LNX1: variants seen among roughly 807,000 people sequenced by gnomAD.
The protein encoded by LNX1 is E3 ubiquitin-protein ligase LNX.
In LNX1, 54 loss-of-function variants were observed where a neutral mutation model predicts 68.4. The observed-to-expected ratio is 0.79, with a 90% CI of 0.63 to 0.99. The LOEUF is 0.99. Among genes scored for constraint, LNX1 ranks in the 50% least tolerant of loss-of-function variants. LNX1 has a pLI of 0.00. For missense variants in LNX1, 906 were observed against 926.4 expected, an observed-to-expected ratio of 0.98 and a Z score of 0.29; for synonymous variants, 336 against 350.0, an observed-to-expected ratio of 0.96 and a Z score of 0.45.
chr4:53,552,522 G>C (rs779765145), intron 2 of LNX1, among the ~76,000 whole-genome samples: 1 of 152,074 alleles, frequency 6.6e-6, no homozygotes, highest in Non-Finnish European at 1.5e-5. Flanking sequence ...TTTTTTCTTG[G>C]ATTTTTGTTA....
chr4:53,540,630 C>T (rs760908280), intron 2 of LNX1, among the ~76,000 whole-genome samples: 3 of 151,562 alleles, frequency 2.0e-5, no homozygotes, highest in South Asian at 2.1e-4. Context: ...TGCAGCGAGC[C>T]GAGATTGCGC....
intron 2 of LNX1, among the ~76,000 whole-genome samples, chr4:53,516,810 C>T (rs1579453021): frequency 6.6e-6 from 1 of 152,172 alleles, no homozygotes; most frequent in Non-Finnish European, 1.5e-5. Context: ...AAACCATGCC[C>T]GTGGGGGTAA....
At position 53,552,674 on chromosome 4, in the gene LNX1, C is replaced by A. The variant is rs548034872; in HGVS notation, c.380+20949G>T. 2.0e-5 allele frequency among the ~76,000 whole-genome samples: 3 copies of A among 151,916 alleles called. No individual in the cohort carries two copies. In the East Asian group the frequency reaches 5.8e-4, roughly 29 times the overall value. Reference sequence around the variant, plus strand: ...TGAAACCCCATCTCTACTAAAAATACAAAAATTAGCCAGACGTAGTGGCAG... The same window carrying A: ...TGAAACCCCATCTCTACTAAAAATAAAAAAATTAGCCAGACGTAGTGGCAG... On this transcript the variant is annotated intron_variant, in intron 2 of 10. Transcript: ENST00000263925.
At chr4:53,495,736 G>A (rs1474693417) in intron 6 of LNX1, among the ~76,000 whole-genome samples, 1 of 152,078 alleles carries the variant, frequency 6.6e-6, no homozygotes, top group Non-Finnish European at 1.5e-5. Context: ...TAGAGATGGG[G>A]TTTCACCCTG....
chr4:53,600,487 G>A (rs1005627361), intron 2 of LNX1, among the ~76,000 whole-genome samples: 2 of 152,024 alleles, frequency 1.3e-5, no homozygotes, highest in Admixed American at 6.6e-5. Context: ...ACAGATTATG[G>A]CCAAGGAGCT....
chr4:53,645,076 A>T (rs1236333727), intron 1 of LNX1, among the ~76,000 whole-genome samples: 1 of 152,166 alleles, frequency 6.6e-6, no homozygotes, highest in Non-Finnish European at 1.5e-5. Flanking sequence ...ACAGCCAGGC[A>T]GTGTCCACGC....
intron 2 of LNX1, among the ~76,000 whole-genome samples, chr4:53,536,779 C>T (rs1728405082): frequency 6.6e-6 from 1 of 152,176 alleles, no homozygotes; most frequent in South Asian, 2.1e-4. Flanking sequence ...GTTGGGTTCT[C>T]TTCCTCTTCT....
chr4:53,600,780 G>A (rs1315961697), intron 2 of LNX1, among the ~76,000 whole-genome samples: 3 of 150,804 alleles, frequency 2.0e-5, no homozygotes, highest in African/African-American at 7.3e-5. Context: ...GCCAAGGCTG[G>A]AGTGCAGTGG....
chr4:53,636,488 G>T (rs1223257744), intron 1 of LNX1, among the ~76,000 whole-genome samples: 1 of 152,048 alleles, frequency 6.6e-6, no homozygotes, highest in Non-Finnish European at 1.5e-5. Context: ...AGGCAGAAGG[G>T]CTTGAGTGAC....
At chr4:53,502,020 A>G (rs1482150430) in intron 4 of LNX1, 2 of 152,202 alleles carry the variant, frequency 1.3e-5, no homozygotes, top group Non-Finnish European at 2.9e-5. Flanking sequence ...CCTAAATAAT[A>G]ATCAGGACAC....
intron 2 of LNX1, among the ~76,000 whole-genome samples, chr4:53,571,292 T>C (rs1731149665): frequency 6.6e-6 from 1 of 152,056 alleles, no homozygotes; most frequent in Non-Finnish European, 1.5e-5. Context: ...GTGCTGGGAT[T>C]ACAGGTGTGA....
At chr4:53,534,370 G>T (rs1728221600) in intron 2 of LNX1, among the ~76,000 whole-genome samples, 1 of 151,386 alleles carries the variant, frequency 6.6e-6, no homozygotes, top group South Asian at 2.1e-4. Flanking sequence ...GGGGTGCAGT[G>T]GCTCACACCT....
At chr4:53,636,158 G>C (rs1734465565) in intron 1 of LNX1, among the ~76,000 whole-genome samples, 1 of 142,622 alleles carries the variant, frequency 7.0e-6, no homozygotes, top group South Asian at 2.4e-4. Context: ...AGGGATCTCA[G>C]AGACTGCACA....
intron 2 of LNX1, among the ~76,000 whole-genome samples, chr4:53,557,099 A>C (rs1328061954): frequency 2.0e-5 from 3 of 152,266 alleles, no homozygotes; most frequent in Non-Finnish European, 4.4e-5. Context: ...TTGAAAGCTT[A>C]CTAACAAAAG....
chr4:53,512,885 T>C (rs886100635), intron 2 of LNX1, among the ~76,000 whole-genome samples: 2 of 152,034 alleles, frequency 1.3e-5, no homozygotes, highest in African/African-American at 4.8e-5. Flanking sequence ...AGGAAGGAGA[T>C]GGTCACTGGG....
intron 1 of LNX1, among the ~76,000 whole-genome samples, chr4:53,629,224 G>A (rs879369099): frequency 3.3e-5 from 5 of 152,018 alleles, no homozygotes; most frequent in Non-Finnish European, 7.4e-5. Flanking sequence ...GATTGATTAG[G>A]GGGCTACCGA....
intron 2 of LNX1, among the ~76,000 whole-genome samples, chr4:53,607,291 A>C (rs1442438493): frequency 6.6e-6 from 1 of 152,238 alleles, no homozygotes; most frequent in African/African-American, 2.4e-5. Context: ...ATGTACAAAA[A>C]TCACTAGCAT....
At chr4:53,559,184 T>A (rs1730116287) in intron 2 of LNX1, among the ~76,000 whole-genome samples, 1 of 152,172 alleles carries the variant, frequency 6.6e-6, no homozygotes, top group Admixed American at 6.5e-5. Context: ...ATGAACTGCG[T>A]AGTCATTAGG....
intron 2 of LNX1, among the ~76,000 whole-genome samples, chr4:53,568,508 G>A (rs1638817208): frequency 6.6e-6 from 1 of 151,580 alleles, no homozygotes; most frequent in African/African-American, 2.4e-5. Flanking sequence ...AAAATAATAA[G>A]AGCTATCTAT....
Sources: allele counts gnomAD v4.1 joint callset (sites outside exome capture counted in the v4.1 genomes callset), GRCh38; gene constraint gnomAD v4.1.1; transcripts MANE v1.5; gene names NCBI Gene and HGNC (gene_info 2026-07-23, HGNC 2026-07-21).